The following HDAC8 variants were observed in gnomAD, a reference collection of about 807,000 sequenced individuals.
HDAC8 encodes the protein histone deacetylase-like 1.
Under a neutral mutation model 32.2 loss-of-function variants are expected in HDAC8, and 1 was observed. That is an observed-to-expected ratio of 0.03 (90% CI 0.01 to 0.15). HDAC8 has a LOEUF of 0.15. HDAC8 is among the 10% of genes least tolerant of loss of function. The probability of loss-of-function intolerance (pLI) is 1.00; values close to 1 mark genes in which losing one functional copy is unlikely to be tolerated. For missense variants in HDAC8, 117 were observed against 300.0 expected (o/e 0.39, Z 4.51); for synonymous variants, 108 against 113.9 (o/e 0.95, Z 0.33).
chrX:72,391,479 A>G (rs1342829959), intron 9 of HDAC8, among the ~76,000 whole-genome samples: 1 of 112,642 alleles, frequency 8.9e-6, no homozygotes, highest in African/African-American at 3.2e-5. Context: ...TGTGCAAGGC[A>G]CTAACTAGAT....
At chrX:72,357,733 C>T (rs991466614) in intron 9 of HDAC8, among the ~76,000 whole-genome samples, 3 of 110,834 alleles carry the variant, frequency 2.7e-5, no homozygotes, top group African/African-American at 9.9e-5. Context: ...ATGCCTAAAA[C>T]TGCAGATAGT....
At chrX:72,453,072 G>A (rs1195009485) in intron 9 of HDAC8, among the ~76,000 whole-genome samples, 1 of 106,841 alleles carries the variant, frequency 9.4e-6, no homozygotes, top group Non-Finnish European at 1.9e-5. Context: ...GTGTACTGCA[G>A]AATAAAAGAT....
At chrX:72,409,685 A>C (rs1322444921) in intron 9 of HDAC8, among the ~76,000 whole-genome samples, 1 of 112,626 alleles carries the variant, frequency 8.9e-6, no homozygotes. Context: ...TTCAAATGCC[A>C]CTTCCTCTGT....
intron 10 of HDAC8, among the ~76,000 whole-genome samples, chrX:72,343,800 C>T (rs2043953086): frequency 8.9e-6 from 1 of 112,433 alleles, no homozygotes; most frequent in Non-Finnish European, 1.9e-5. Context: ...ATCACTGTGC[C>T]TGGCTTATCT....
chrX:72,373,315 A>G (rs781822192), intron 9 of HDAC8, among the ~76,000 whole-genome samples: 2 of 112,091 alleles, frequency 1.8e-5, no homozygotes, highest in Non-Finnish European at 3.8e-5. Context: ...TGCAACCACT[A>G]TCTAATTCCA....
intron 4 of HDAC8, among the ~76,000 whole-genome samples, chrX:72,521,485 A>G (rs1556028668): frequency 3.6e-5 from 4 of 111,360 alleles, no homozygotes; most frequent in Non-Finnish European, 5.6e-5. Flanking sequence ...ACTAAAAGGA[A>G]CCAGGATTTC....
In HDAC8 at chrX:72,329,892, C is replaced by A; in HGVS notation, c.*162G>T. The A allele has an allele frequency of 1.3e-6, 1 of 794,534 alleles. No individual in the cohort carries two copies. Among genetic ancestry groups the A allele is most frequent in the Non-Finnish European group, 1.8e-6 (1 of 546,797 alleles). 65.5% of individuals were successfully genotyped at this position (794,534 alleles called of 1,213,427 possible). A position where few individuals can be genotyped will look rare whatever the true frequency, so the allele number is the denominator to read the frequency against. ...CTCTGGGGTGCCTGCCTCTTCACCC[C>A]AGGAAGCCAGCTGCCACTTGATGCC... On this transcript the variant is annotated 3_prime_UTR_variant, in exon 11 of 11. Coordinates refer to ENST00000373573, the MANE Select transcript of HDAC8 (RefSeq NM_018486.3).
rs189347993 is a variant in HDAC8, at chrX:72,411,439, A to G, written c.1005+50565T>C. Among the ~76,000 whole-genome samples, 186 of 111,937 alleles carry G rather than the reference A, an allele frequency of 1.7e-3. 1 individual carries two copies. The highest frequency in any genetic ancestry group is 5.6e-3 in the African/African-American group (172 of 30,809). On this transcript the variant is annotated intron_variant, in intron 9 of 10. Coordinates refer to ENST00000373573, the MANE Select transcript of HDAC8 (RefSeq NM_018486.3). Reference sequence around the variant, plus strand: ...CTAGAGTTGACACCCTCAGAGGGGGAAGTTCTGACCTCTGCATCATCTGTT... The same window carrying G: ...CTAGAGTTGACACCCTCAGAGGGGGGAGTTCTGACCTCTGCATCATCTGTT...
At chrX:72,494,358 G>C (rs1556011751) in intron 5 of HDAC8, among the ~76,000 whole-genome samples, 1 of 108,801 alleles carries the variant, frequency 9.2e-6, no homozygotes, top group Non-Finnish European at 1.9e-5. Context: ...GATTATGTTA[G>C]TTTGTCTGAA....
Position 72,329,729 on chromosome X carries a change from A to T in HDAC8, c.*325T>A, listed in dbSNP as rs1555939547. The T allele has an allele frequency of 4.3e-6, 5 of 1,173,878 alleles. No individual in the cohort carries two copies. In the Middle Eastern group the frequency reaches 7.0e-4, roughly 164 times the overall value. ...CAGCTTCTGATCTGTTTCATTTAAG[A>T]TGATTAAAATACTCCCCTCCCCAAT... On this transcript the variant is annotated 3_prime_UTR_variant, in exon 11 of 11. Transcript: ENST00000373573.
intron 9 of HDAC8, among the ~76,000 whole-genome samples, chrX:72,360,923 T>C (rs1447057173): frequency 8.9e-6 from 1 of 111,964 alleles, no homozygotes; most frequent in Non-Finnish European, 1.9e-5. Flanking sequence ...AATAACTCCA[T>C]TAGTTGTTGA....
chrX:72,450,935 T>C (rs1555987202), intron 9 of HDAC8, among the ~76,000 whole-genome samples: 1 of 111,783 alleles, frequency 8.9e-6, no homozygotes, highest in Non-Finnish European at 1.9e-5. Context: ...TATGAAACTT[T>C]TTGAGTCCTG....
At chrX:72,559,866 C>G (rs192878704) in intron 4 of HDAC8, among the ~76,000 whole-genome samples, 2 of 108,434 alleles carry the variant, frequency 1.8e-5, no homozygotes, top group East Asian at 6.0e-4. Flanking sequence ...GGAGCGTCTC[C>G]GCCTGGCAGC....
chrX:72,424,220 C>A (rs2046567909), intron 9 of HDAC8, among the ~76,000 whole-genome samples: 1 of 111,741 alleles, frequency 8.9e-6, no homozygotes, highest in Admixed American at 9.5e-5. Context: ...CAATTTTTCT[C>A]CTTACAACTG....
At chrX:72,531,221 C>A (rs1293975606) in intron 4 of HDAC8, among the ~76,000 whole-genome samples, 1 of 111,825 alleles carries the variant, frequency 8.9e-6, no homozygotes, top group African/African-American at 3.2e-5. Context: ...GTGAAAAGCA[C>A]CCCCAATAGA....
intron 4 of HDAC8, among the ~76,000 whole-genome samples, chrX:72,507,100 C>T (rs782472908): frequency 1.8e-4 from 20 of 111,560 alleles, no homozygotes; most frequent in Admixed American, 4.8e-4. Flanking sequence ...CCACCCACCT[C>T]GGCCTCCCAA....
At chrX:72,374,834 G>T (rs2045011077) in intron 9 of HDAC8, among the ~76,000 whole-genome samples, 1 of 101,980 alleles carries the variant, frequency 9.8e-6, no homozygotes, top group African/African-American at 3.6e-5. Context: ...TGGAGACAGG[G>T]TCTCACTTTG....
At chrX:72,431,942 G>A (rs187298289) in intron 9 of HDAC8, among the ~76,000 whole-genome samples, 1 of 111,522 alleles carries the variant, frequency 9.0e-6, no homozygotes, top group East Asian at 2.8e-4. Flanking sequence ...AATGTCACAC[G>A]GCTGATAAGT....
At chrX:72,481,493 A>G (rs1233443905) in intron 7 of HDAC8, among the ~76,000 whole-genome samples, 1 of 111,718 alleles carries the variant, frequency 9.0e-6, no homozygotes, top group Non-Finnish European at 1.9e-5. Context: ...GTATCGCTTA[A>G]AATAGTTATT....
Sources: gnomAD v4.1 joint callset for allele counts (sites outside exome capture counted in the v4.1 genomes callset) on GRCh38, gnomAD v4.1.1 for gene constraint, MANE v1.5 for transcripts, NCBI Gene and HGNC (gene_info 2026-07-23, HGNC 2026-07-21) for gene names.